The following MEGF8 variants were observed in gnomAD, a reference collection of about 807,000 sequenced individuals.
MEGF8 encodes multiple EGF like domains 8.
A neutral mutation model predicts 302.9 loss-of-function variants in MEGF8; 156 were observed. That is an observed-to-expected ratio of 0.52 (90% CI 0.45 to 0.59). MEGF8 has a LOEUF of 0.59. Ranked by LOEUF, MEGF8 falls within the 20% of genes least tolerant of loss-of-function variation. The probability of loss-of-function intolerance (pLI) is 0.00; values close to 1 mark genes in which losing one functional copy is unlikely to be tolerated. For missense variants in MEGF8, 3,345 were observed against 3,964.5 expected (o/e 0.84, Z 4.20); for synonymous variants, 1,621 against 1,660.5 (o/e 0.98, Z 0.58).
chr19:42,353,134 A>C lies in MEGF8; in HGVS notation c.3550+7A>C. On this transcript the variant is annotated splice_region_variant and intron_variant, in intron 20 of 41. Coordinates refer to ENST00000251268, the MANE Select transcript of MEGF8 (RefSeq NM_001271938.2). The surrounding 1 kb of genome is among the most constrained non-coding windows in gnomAD (Gnocchi z 6.1). ...TTCTGCGACGAGTGCCAGGGTAAGC[A>C]GCCCTTGTCCTGGGCCCAGCCTGGA... The C allele has an allele frequency of 6.5e-7, 1 of 1,541,248 alleles. No homozygotes were observed. Among genetic ancestry groups the C allele is most frequent in the Non-Finnish European group, 8.7e-7 (1 of 1,143,564 alleles).
chr19:42,339,173 G>T (rs2147456283), intron 8 of MEGF8, among the ~76,000 whole-genome samples: 1 of 152,200 alleles, frequency 6.6e-6, no homozygotes, highest in East Asian at 1.9e-4. Context: ...TGGGCATTTA[G>T]GTTGATTCCA....
In MEGF8 at chr19:42,377,075, C is replaced by A; in HGVS notation, c.*300C>A. 2.7e-6 allele frequency: 1 copy of A among 369,976 alleles called. No individual in the cohort carries two copies. Among genetic ancestry groups the A allele is most frequent in the African/African-American group, 2.1e-5 (1 of 48,126 alleles). 22.9% of individuals were successfully genotyped at this position (369,976 alleles called of 1,614,324 possible). ...ACAATCAGTGCACATGCACACACCC[C>A]ACACGCATACACACATGAACACATG... On this transcript the variant is annotated 3_prime_UTR_variant, in exon 42 of 42. Coordinates refer to ENST00000251268, the MANE Select transcript of MEGF8 (RefSeq NM_001271938.2).
In MEGF8 at chr19:42,351,775, G is replaced by A. The variant is rs1270330200; in HGVS notation, c.3101+14G>A. On this transcript the variant is annotated intron_variant, in intron 18 of 41. Transcript: ENST00000251268. This position sits in a 1 kb window ranked among gnomAD's most constrained non-coding sequence, Gnocchi z 5.6. The stretch of plus-strand genomic sequence containing the variant: ...CACACTGGGACGGTGAGCCCGGGCA[G>A]GTGGGTGGGCAGGGTGCCCGGCTGT... 4 of 1,559,112 alleles carry A rather than the reference G, an allele frequency of 2.6e-6. No homozygotes were observed. Among genetic ancestry groups the A allele is most frequent in the Non-Finnish European group, 3.5e-6 (4 of 1,151,474 alleles).
rs1297786149 is a variant in MEGF8 at position 42,352,445 on chromosome 19, C to T, written c.3339C>T (p.His1113=). ...GCTACCAGGGTGATGGCATCTCACACTGCAACCGCACGTGAGTGAGGCGGG... is the reference window on the plus strand; with the variant it reads ...GCTACCAGGGTGATGGCATCTCACATTGCAACCGCACGTGAGTGAGGCGGG... ...QRGYQGDGIS[H]CNRTCLEDCG... The change falls in exon 19 of 42, where the codon CAC becomes CAT. Residue 1113 remains histidine, a synonymous_variant. Coordinates refer to ENST00000251268, the MANE Select transcript of MEGF8 (RefSeq NM_001271938.2). The surrounding 1 kb of genome is among the most constrained non-coding windows in gnomAD (Gnocchi z 4.4). The T allele has an allele frequency of 5.6e-6, 9 of 1,594,792 alleles. No homozygotes were observed. The highest frequency in any genetic ancestry group is 1.7e-4 in the Middle Eastern group (1 of 6,010).
Position 42,358,118 on chromosome 19 carries a change from C to T in MEGF8, c.5012-26C>T, listed in dbSNP as rs776088375. 2 of 1,520,296 alleles carry T rather than the reference C, an allele frequency of 1.3e-6. No individual in the cohort carries two copies. Among genetic ancestry groups the T allele is most frequent in the South Asian group, 1.3e-5 (1 of 77,996 alleles). The allele number at this position is 1,520,296 out of a possible 1,614,324, so 94.2% of individuals were successfully genotyped here. Reference sequence around the variant, plus strand: ...TCAGTGCTGTTGTCAGCCCCTCCCCCAGCCTGTCACCCTGCCCCTCACCAG... The same window carrying T: ...TCAGTGCTGTTGTCAGCCCCTCCCCTAGCCTGTCACCCTGCCCCTCACCAG... On this transcript the variant is annotated intron_variant, in intron 28 of 41. Coordinates refer to ENST00000251268, the MANE Select transcript of MEGF8 (RefSeq NM_001271938.2). The surrounding 1 kb of genome is among the most constrained non-coding windows in gnomAD (Gnocchi z 4.4).
At chr19:42,347,484 T>G (rs907046874) in intron 12 of MEGF8, among the ~76,000 whole-genome samples, 1 of 151,140 alleles carries the variant, frequency 6.6e-6, no homozygotes, top group Non-Finnish European at 1.5e-5. Flanking sequence ...TGCCTGGCTG[T>G]TTTTTGTATT....
Position 42,326,326 on chromosome 19 carries a change from G to A in MEGF8, c.83G>A (p.Gly28Glu), listed in dbSNP as rs1375040470. Reference sequence around the variant, plus strand: ...TCGCTGTCCCCTGGGGCCCGGGCGGGGGACTGCAAGGGGCAGCGGCAGGTG... The same window carrying A: ...TCGCTGTCCCCTGGGGCCCGGGCGGAGGACTGCAAGGGGCAGCGGCAGGTG... ...LGSLSPGARA[G>E]DCKGQRQVLR... Residue 28 changes from glycine (G) to glutamate (E), a missense_variant, in exon 1 of 42, where the codon GGG becomes GAG. Gly to Glu is a moderately conservative substitution (Grantham distance 98). Coordinates refer to ENST00000251268, the MANE Select transcript of MEGF8 (RefSeq NM_001271938.2). 1.3e-6 allele frequency: 2 copies of A among 1,569,868 alleles called. No individual in the cohort carries two copies. Among genetic ancestry groups the A allele is most frequent in the Admixed American group, 2.0e-5 (1 of 49,194 alleles).
At chr19:42,338,450 A>G (rs7255956) in intron 8 of MEGF8, among the ~76,000 whole-genome samples, 1 of 151,864 alleles carries the variant, frequency 6.6e-6, no homozygotes, top group East Asian at 1.9e-4. Context: ...CCATGTTGGC[A>G]AGGCTGGTCT....
At position 42,362,385 on chromosome 19, in the gene MEGF8, C is replaced by A; in HGVS notation, c.5846C>A (p.Ala1949Glu). ...ATCTAGCCTGTCTTCCCTCACCAGGCGTCCACCCCCCGCTGTAAGTGGTGT... is the reference window on the plus strand; with the variant it reads ...ATCTAGCCTGTCTTCCCTCACCAGGAGTCCACCCCCCGCTGTAAGTGGTGT... ...PRTLQPGDGE[A>E]STPRCKWCTN... is the part of the protein sequence containing the mutation. Residue 1949 changes from alanine to glutamate, a missense_variant and splice_region_variant, in exon 34 of 42, where the codon GCG becomes GAG. By Grantham distance (107) the Ala-to-Glu change is moderately radical (BLOSUM62 -1). Coordinates refer to ENST00000251268, the MANE Select transcript of MEGF8 (RefSeq NM_001271938.2). 6.2e-7 allele frequency: 1 copy of A among 1,613,852 alleles called. No individual in the cohort carries two copies. The highest frequency in any genetic ancestry group is 8.5e-7 in the Non-Finnish European group (1 of 1,179,854).
rs1413977081 is a variant in MEGF8 at position 42,358,890 on chromosome 19, C to T, written c.5279C>T (p.Ala1760Val). The T allele has an allele frequency of 6.2e-7, 1 of 1,611,528 alleles. No individual in the cohort carries two copies. The highest frequency in any genetic ancestry group is 1.7e-5 in the Admixed American group (1 of 59,644). The change falls in exon 30 of 42, where the codon GCT becomes GTT. Residue 1760 changes from alanine to valine, a missense_variant. Physicochemically the swap from Ala to Val is moderately conservative, Grantham distance 64 (BLOSUM62 0). Coordinates refer to ENST00000251268, the MANE Select transcript of MEGF8 (RefSeq NM_001271938.2). The surrounding 1 kb of genome is among the most constrained non-coding windows in gnomAD (Gnocchi z 4.4). ...WGFREVRKKM[A>V]LWAALAGTGG... The stretch of plus-strand genomic sequence containing the variant: ...TTCCGGGAAGTCAGGAAGAAGATGG[C>T]TCTGTGGGCTGCTCTTGCTGGTACA...
chr19:42,351,420 C>T lies in MEGF8; in HGVS notation c.2856-9C>T. The T allele has an allele frequency of 6.3e-7, 1 of 1,589,694 alleles. No homozygotes were observed. ...GTGGAGTGACCTGGCCCCCTGCTCC[C>T]CACCCCAGGCGACTGACCTGTGAGG... On this transcript the variant is annotated splice_polypyrimidine_tract_variant and intron_variant, in intron 16 of 41. Transcript: ENST00000251268. This position sits in a 1 kb window ranked among gnomAD's most constrained non-coding sequence, Gnocchi z 5.6.
intron 41 of MEGF8, among the ~76,000 whole-genome samples, chr19:42,373,316 C>A (rs1330902180): frequency 6.6e-6 from 1 of 150,928 alleles, no homozygotes; most frequent in African/African-American, 2.4e-5. Flanking sequence ...TGGTCTTGAT[C>A]TCTTAACCTT....
chr19:42,340,002 G>A (rs1252118349), intron 8 of MEGF8, among the ~76,000 whole-genome samples: 2 of 152,170 alleles, frequency 1.3e-5, no homozygotes, highest in African/African-American at 2.4e-5. Context: ...AGCTTGCAGT[G>A]AGCTGAGTTC....
rs564045592 is a variant in MEGF8, at chr19:42,356,928, A to G, written c.4777A>G (p.Thr1593Ala). 11 of 1,610,870 alleles carry G rather than the reference A, an allele frequency of 6.8e-6. No homozygotes were observed. The East Asian group carries it at 2.5e-4, about 36-fold the overall frequency. Residue 1593 changes from threonine to alanine, a missense_variant, in exon 27 of 42, where the codon ACC (threonine) becomes GCC (alanine). Physicochemically the swap from Thr to Ala is moderately conservative, Grantham distance 58. Coordinates refer to ENST00000251268, the MANE Select transcript of MEGF8 (RefSeq NM_001271938.2). This position sits in a 1 kb window ranked among gnomAD's most constrained non-coding sequence, Gnocchi z 5.2. ...GGGGGGACTTACCGCTGGAGGCGTC[A>G]CCCGTGATTTCTGGGTCCTCAACCT... ...LLGGLTAGGV[T>A]RDFWVLNLTT...
At chr19:42,332,437 G>A (rs577901931) in intron 1 of MEGF8, among the ~76,000 whole-genome samples, 12 of 151,744 alleles carry the variant, frequency 7.9e-5, no homozygotes, top group African/African-American at 2.4e-4. Context: ...GCACAATCTC[G>A]GCTCACTGCA....
intron 12 of MEGF8, among the ~76,000 whole-genome samples, chr19:42,345,655 A>G (rs2039279096): frequency 6.6e-6 from 1 of 152,308 alleles, no homozygotes; most frequent in African/African-American, 2.4e-5. Flanking sequence ...GTAATATTCC[A>G]TTGTATAGAT....
At chr19:42,373,703 T>TG (rs2039724819) in intron 41 of MEGF8, among the ~76,000 whole-genome samples, 1 of 147,042 alleles carries the variant, frequency 6.8e-6, no homozygotes, top group Non-Finnish European at 1.5e-5. Flanking sequence ...GTTGGGCTTT[T>TG]GGGTTTTTTT....
rs150957840 is a variant in MEGF8, at chr19:42,327,756, C to T, written c.187+1326C>T. Among the ~76,000 whole-genome samples the T allele has an allele frequency of 7.2e-5, 11 of 152,220 alleles. No homozygotes were observed. The East Asian group carries it at 1.4e-3, about 19-fold the overall frequency. ...GAATAGCTGTGCAAAGGCGGGGAAG[C>T]GGGAGAGTGATGCTTTTGAAGAACT... On this transcript the variant is annotated intron_variant, in intron 1 of 41. Transcript: ENST00000251268.
Position 42,357,997 on chromosome 19 carries a change from A to T in MEGF8, c.5012-147A>T, listed in dbSNP as rs2039476589. On this transcript the variant is annotated intron_variant, in intron 28 of 41. Transcript: ENST00000251268. The surrounding 1 kb of genome is among the most constrained non-coding windows in gnomAD (Gnocchi z 5.2). Reference sequence around the variant, plus strand: ...TCTAATGATTGTCCATTTGAACCCAACTGAGAGGGACGGGTGGAGAGGGGC... The same window carrying T: ...TCTAATGATTGTCCATTTGAACCCATCTGAGAGGGACGGGTGGAGAGGGGC... The T allele has an allele frequency of 4.0e-6, 3 of 744,468 alleles. No individual in the cohort carries two copies. The highest frequency in any genetic ancestry group is 7.0e-5 in the Admixed American group (2 of 28,702). 46.1% of individuals were successfully genotyped at this position (744,468 alleles called of 1,614,324 possible).
Sources: gnomAD v4.1 joint callset for allele counts (sites outside exome capture counted in the v4.1 genomes callset) on GRCh38, gnomAD v4.1.1 for gene constraint, Gnocchi (gnomAD v3.1) non-coding constraint, MANE v1.5 for transcripts, NCBI Gene and HGNC (gene_info 2026-07-23, HGNC 2026-07-21) for gene names.